The following APBA1 variants were observed in gnomAD, a reference collection of about 807,000 sequenced individuals.
APBA1 encodes amyloid-beta A4 precursor protein-binding family A member 1.
A neutral mutation model predicts 86.6 loss-of-function variants in APBA1; 55 were observed. The ratio of observed to expected loss-of-function variants is 0.64; its 90% CI spans 0.51 to 0.80. The LOEUF (loss-of-function observed/expected upper bound fraction) is 0.80, where lower values mean the gene tolerates loss of function less well. Among genes scored for constraint, APBA1 ranks in the 30% least tolerant of loss-of-function variants. The pLI is 0.00. For missense variants in APBA1, 1,090 were observed against 1,183.0 expected (o/e 0.92, Z 1.15); for synonymous variants, 511 against 493.9 (o/e 1.03, Z -0.46).
intron 2 of APBA1, among the ~76,000 whole-genome samples, chr9:69,506,036 GA>G (rs928035611): frequency 1.1e-3 from 167 of 145,626 alleles, no homozygotes; most frequent in African/African-American, 3.9e-3. Context: ...AGAAAAAGAA[GA>G]AAAAAAAAAG....
At chr9:69,447,985 C>T (rs913734338) in intron 10 of APBA1, among the ~76,000 whole-genome samples, 3 of 152,226 alleles carry the variant, frequency 2.0e-5, no homozygotes, top group Admixed American at 6.5e-5. Context: ...CTGGCAGGAG[C>T]GACTTGTGGT....
At chr9:69,443,233 CTG>C (rs971897117) in intron 10 of APBA1, among the ~76,000 whole-genome samples, 4 of 152,228 alleles carry the variant, frequency 2.6e-5, no homozygotes, top group African/African-American at 9.6e-5. Flanking sequence ...ACCCAGGAAT[CTG>C]TGGATGACAA....
At chr9:69,647,057 G>C (rs1276785520) in intron 1 of APBA1, among the ~76,000 whole-genome samples, 1 of 152,150 alleles carries the variant, frequency 6.6e-6, no homozygotes, top group East Asian at 1.9e-4. Context: ...GTTGGGAAGT[G>C]CATCATTGCT....
At chr9:69,577,035 C>T (rs927541402) in intron 1 of APBA1, among the ~76,000 whole-genome samples, 3 of 151,880 alleles carry the variant, frequency 2.0e-5, no homozygotes, top group Non-Finnish European at 2.9e-5. Context: ...CTATGGGGTA[C>T]ATGGTGATGT....
chr9:69,588,983 C>T (rs964102100), intron 1 of APBA1, among the ~76,000 whole-genome samples: 1 of 152,162 alleles, frequency 6.6e-6, no homozygotes, highest in Non-Finnish European at 1.5e-5. Context: ...GAGACAGGGT[C>T]TGGCTCTGTT....
At chr9:69,609,744 C>A (rs1327729345) in intron 1 of APBA1, among the ~76,000 whole-genome samples, 1 of 152,128 alleles carries the variant, frequency 6.6e-6, no homozygotes, top group Non-Finnish European at 1.5e-5. Flanking sequence ...ACCTTTTCTG[C>A]CCTGCTGAGT....
chr9:69,613,523 C>T (rs1237055188), intron 1 of APBA1, among the ~76,000 whole-genome samples: 1 of 152,126 alleles, frequency 6.6e-6, no homozygotes, highest in African/African-American at 2.4e-5. Context: ...TACATCATTG[C>T]CTTAAGCTTT....
intron 1 of APBA1, among the ~76,000 whole-genome samples, chr9:69,630,894 G>C (rs899198664): frequency 1.3e-5 from 2 of 152,164 alleles, no homozygotes; most frequent in Non-Finnish European, 2.9e-5. Flanking sequence ...TTAGTCTCCA[G>C]GGGACACTAC....
At chr9:69,652,125 C>G (rs575119603) in intron 1 of APBA1, among the ~76,000 whole-genome samples, 51 of 152,314 alleles carry the variant, frequency 3.3e-4, no homozygotes, top group African/African-American at 1.1e-3. Flanking sequence ...GAAACCAGAC[C>G]TGCTAACACC....
rs1265962137 is a variant in APBA1, at chr9:69,585,393, G to C, written c.-69-68114C>G. Among the ~76,000 whole-genome samples, 2 of 152,184 alleles carry C rather than the reference G, an allele frequency of 1.3e-5. 1 individual carries two copies. The highest frequency in any genetic ancestry group is 1.3e-4 in the Admixed American group (2 of 15,270). On this transcript the variant is annotated intron_variant, in intron 1 of 12. Transcript: ENST00000265381. ...AGAAGAGATGATAAGAAGAGACTGAGGCTCAAGGAAAGGGGTGTGTGCCCG... is the reference window on the plus strand; with the variant it reads ...AGAAGAGATGATAAGAAGAGACTGACGCTCAAGGAAAGGGGTGTGTGCCCG...
chr9:69,647,982 T>C (rs1358759447), intron 1 of APBA1, among the ~76,000 whole-genome samples: 1 of 152,234 alleles, frequency 6.6e-6, no homozygotes, highest in Admixed American at 6.5e-5. Context: ...TGGCAAGCTT[T>C]GGCTGTTGCT....
Position 69,456,298 on chromosome 9 carries a change from C to G in APBA1, c.1737G>C (p.Gln579His), listed in dbSNP as rs758711760. ...TCATCTTGTACTGCCTTTTCCCATC[C>G]TGGGATGGGTGGGACGCTTCCACGT... ...QENVEASHPS[Q>H]DGKRQYKMIC... Residue 579 changes from glutamine to histidine, a missense_variant, in exon 8 of 13, where the codon CAG becomes CAC. Gln to His is a conservative substitution (Grantham distance 24). Around this residue, in one of 6 missense-constraint regions of APBA1, gnomAD observed 103 missense variants for 91.9 expected, o/e 1.12. Coordinates refer to ENST00000265381, the MANE Select transcript of APBA1 (RefSeq NM_001163.4). 29 of 1,614,214 alleles carry G rather than the reference C, an allele frequency of 1.8e-5. No homozygotes were observed. In the South Asian group the frequency reaches 2.7e-4, roughly 15 times the overall value.
chr9:69,490,253 T>C (rs1835684949), intron 2 of APBA1, among the ~76,000 whole-genome samples: 1 of 151,578 alleles, frequency 6.6e-6, no homozygotes, highest in East Asian at 1.9e-4. Context: ...ATATTCTCAC[T>C]CATAGGTGGG....
At chr9:69,640,940 A>G (rs1241314377) in intron 1 of APBA1, among the ~76,000 whole-genome samples, 1 of 121,962 alleles carries the variant, frequency 8.2e-6, no homozygotes, top group Non-Finnish European at 1.9e-5. Context: ...GAGAGGGGAA[A>G]GGAGAGGGAG....
chr9:69,574,630 T>G (rs1160405768), intron 1 of APBA1, among the ~76,000 whole-genome samples: 1 of 152,174 alleles, frequency 6.6e-6, no homozygotes, highest in Non-Finnish European at 1.5e-5. Context: ...GTGTGCTGGT[T>G]TTGCTCTTAT....
intron 1 of APBA1, among the ~76,000 whole-genome samples, chr9:69,569,863 C>G (rs1026823495): frequency 8.5e-5 from 13 of 152,170 alleles, no homozygotes; most frequent in Non-Finnish European, 1.5e-5. Context: ...TATGAACAGC[C>G]TGAATTAAGC....
chr9:69,514,478 A>G (rs1199938706), intron 2 of APBA1, among the ~76,000 whole-genome samples: 4 of 152,134 alleles, frequency 2.6e-5, no homozygotes, highest in African/African-American at 9.7e-5. Flanking sequence ...CATCCCAGCT[A>G]CTCAGGAGAC....
intron 11 of APBA1, 113 bp downstream of exon 11, chr9:69,440,883 G>T (rs1441110258): frequency 7.6e-7 from 1 of 1,312,656 alleles, no homozygotes; most frequent in African/African-American, 1.5e-5. Context: ...CTCACGCTGG[G>T]AGTTGTAGAC....
intron 1 of APBA1, among the ~76,000 whole-genome samples, chr9:69,574,971 G>T (rs1821757326): frequency 6.6e-6 from 1 of 152,096 alleles, no homozygotes; most frequent in African/African-American, 2.4e-5. Context: ...CTGGAGTGCA[G>T]TGGTGCAATC....
Sources: allele counts gnomAD v4.1 joint callset (sites outside exome capture counted in the v4.1 genomes callset), GRCh38; gene constraint gnomAD v4.1.1; regional missense constraint gnomAD v4.1.1; transcripts MANE v1.5; gene names NCBI Gene and HGNC (gene_info 2026-07-23, HGNC 2026-07-21).